Variants in VAV3 observed in about 807,000 individuals in gnomAD.
VAV3 encodes vav guanine nucleotide exchange factor 3, also known as guanine nucleotide exchange factor VAV3.
VAV3 carries 94 observed loss-of-function variants against 131.2 expected under a neutral mutation model. That is an observed-to-expected ratio of 0.72 (90% confidence interval 0.61 to 0.85). The LOEUF (loss-of-function observed/expected upper bound fraction) is 0.85. Among genes scored for constraint, VAV3 ranks in the 40% least tolerant of loss-of-function variants. The pLI is 0.00. For synonymous variants in VAV3, 349 were observed against 342.0 expected (o/e 1.02, Z -0.22); for missense variants, 939 against 1,002.7 (o/e 0.94, Z 0.86).
At chr1:107,700,369 C>A (rs1435966506) in intron 17 of VAV3, among the ~76,000 whole-genome samples, 3 of 152,188 alleles carry the variant, frequency 2.0e-5, no homozygotes, top group Non-Finnish European at 2.9e-5. Flanking sequence ...TAAACGCGTG[C>A]CATGGTGGTT....
chr1:107,675,828 A>G (rs1364718402), intron 19 of VAV3, among the ~76,000 whole-genome samples: 1 of 152,234 alleles, frequency 6.6e-6, no homozygotes, highest in East Asian at 1.9e-4. Context: ...AGGTACCATG[A>G]CAGGGCTACA....
chr1:107,756,922 A>C (rs546456910), intron 11 of VAV3, among the ~76,000 whole-genome samples: 1 of 152,218 alleles, frequency 6.6e-6, no homozygotes, highest in Admixed American at 6.5e-5. Context: ...ATATGATATT[A>C]AATAATTCCC....
chr1:107,782,630 T>G (rs559982686), intron 2 of VAV3, among the ~76,000 whole-genome samples: 7 of 152,356 alleles, frequency 4.6e-5, no homozygotes, highest in Admixed American at 4.6e-4. Context: ...CTCAGTTTTG[T>G]GTCTATGCTA....
intron 15 of VAV3, among the ~76,000 whole-genome samples, chr1:107,734,071 A>G (rs1662435620): frequency 6.6e-6 from 1 of 152,220 alleles, no homozygotes; most frequent in Non-Finnish European, 1.5e-5. Context: ...TTTTTAAAGA[A>G]CAGAATTTTC....
intron 1 of VAV3, among the ~76,000 whole-genome samples, chr1:107,877,668 T>C (rs1321756804): frequency 6.6e-6 from 1 of 152,226 alleles, no homozygotes; most frequent in East Asian, 1.9e-4. Flanking sequence ...ACTCTCACTT[T>C]TCCAGGCAAT....
At chr1:107,741,384 T>C (rs1400428698) in intron 15 of VAV3, among the ~76,000 whole-genome samples, 2 of 152,188 alleles carry the variant, frequency 1.3e-5, no homozygotes, top group African/African-American at 4.8e-5. Context: ...CCGGCCTGAC[T>C]AGCCGCTCCC....
At chr1:107,648,721 T>G (rs932520308) in intron 19 of VAV3, among the ~76,000 whole-genome samples, 12 of 152,180 alleles carry the variant, frequency 7.9e-5, no homozygotes, top group African/African-American at 2.6e-4. Flanking sequence ...CTAAAATAAA[T>G]TGTCTAAAGT....
At chr1:107,780,627 T>C (rs1665634631) in intron 2 of VAV3, among the ~76,000 whole-genome samples, 1 of 152,170 alleles carries the variant, frequency 6.6e-6, no homozygotes, top group Non-Finnish European at 1.5e-5. Flanking sequence ...GTGATTGTCA[T>C]GCCTCAGCCT....
intron 2 of VAV3, among the ~76,000 whole-genome samples, chr1:107,843,497 A>C (rs1213061085): frequency 4.0e-5 from 6 of 148,814 alleles, no homozygotes; most frequent in Non-Finnish European, 8.9e-5. Flanking sequence ...TTAGAATTAC[A>C]CTGTTGAGAT....
chr1:107,924,978 G>T (rs1002787604), intron 1 of VAV3, among the ~76,000 whole-genome samples: 3 of 152,108 alleles, frequency 2.0e-5, no homozygotes, highest in Non-Finnish European at 4.4e-5. Flanking sequence ...GATGGTCAAG[G>T]CAGTATATTT....
At chr1:107,623,389 T>C (rs1279408243) in intron 20 of VAV3, among the ~76,000 whole-genome samples, 5 of 152,238 alleles carry the variant, frequency 3.3e-5, no homozygotes, top group African/African-American at 1.2e-4. Flanking sequence ...TTTCTAAGTT[T>C]TCCTTTTTTA....
chr1:107,951,999 T>C (rs899446218), intron 1 of VAV3, among the ~76,000 whole-genome samples: 12 of 152,194 alleles, frequency 7.9e-5, no homozygotes, highest in Non-Finnish European at 1.3e-4. Flanking sequence ...TAAACTGTTC[T>C]AGTATAAAGA....
intron 2 of VAV3, among the ~76,000 whole-genome samples, chr1:107,807,482 T>C (rs1463173307): frequency 6.6e-6 from 1 of 152,214 alleles, no homozygotes; most frequent in African/African-American, 2.4e-5. Flanking sequence ...TGATTCCACA[T>C]AACACACTTG....
At chr1:107,845,007 G>A (rs1374935912) in intron 2 of VAV3, among the ~76,000 whole-genome samples, 1 of 152,192 alleles carries the variant, frequency 6.6e-6, no homozygotes, top group Admixed American at 6.5e-5. Context: ...TGCCTCCTGA[G>A]TGGGAGACAC....
intron 2 of VAV3, among the ~76,000 whole-genome samples, chr1:107,830,425 G>A (rs753493165): frequency 6.6e-6 from 1 of 151,886 alleles, no homozygotes; most frequent in African/African-American, 2.4e-5. Flanking sequence ...TCCTGATAAT[G>A]TAAGTAAGCA....
At chr1:107,916,171 G>A (rs750823141) in intron 1 of VAV3, among the ~76,000 whole-genome samples, 8 of 151,906 alleles carry the variant, frequency 5.3e-5, no homozygotes, top group Non-Finnish European at 1.2e-4. Flanking sequence ...AAAGGGAAGG[G>A]GAGTGTTGCA....
intron 11 of VAV3, 104 bp downstream of exon 11, chr1:107,757,157 G>A (rs1325918850): frequency 1.1e-4 from 26 of 243,172 alleles, no homozygotes; most frequent in Admixed American, 2.3e-4. Flanking sequence ...GTGTATATGT[G>A]TGTGTGTGTG....
At chr1:107,925,900 A>ATATATGT (rs1553231894) in intron 1 of VAV3, among the ~76,000 whole-genome samples, 40 of 149,800 alleles carry the variant, frequency 2.7e-4, no homozygotes, top group African/African-American at 7.8e-4. Context: ...AACATATATG[A>ATATATGT]TATATATGTT....
chr1:107,864,402 AC>A (rs1669883266), intron 2 of VAV3, among the ~76,000 whole-genome samples: 1 of 152,172 alleles, frequency 6.6e-6, no homozygotes, highest in Non-Finnish European at 1.5e-5. Flanking sequence ...TGGGTGGATC[AC>A]TTGAGCTCAA....
Sources: gnomAD v4.1 joint callset for allele counts (sites outside exome capture counted in the v4.1 genomes callset) on GRCh38, gnomAD v4.1.1 for gene constraint, MANE v1.5 for transcripts, NCBI Gene and HGNC (gene_info 2026-07-23, HGNC 2026-07-21) for gene names.